Variants in ADGRL4 observed in about 807,000 individuals in gnomAD.
The protein encoded by ADGRL4 is adhesion G protein-coupled receptor L4, also known as EGF, latrophilin and seven transmembrane domain containing 1.
A neutral mutation model predicts 74.8 loss-of-function variants in ADGRL4; 90 were observed. The ratio of observed to expected loss-of-function variants is 1.20; its 90% confidence interval spans 1.02 to 1.43. ADGRL4 has a LOEUF of 1.43. Ranked by LOEUF, ADGRL4 falls within the 40% of genes most tolerant of loss-of-function variation. ADGRL4 has a pLI of 0.00. For missense variants in ADGRL4, 881 were observed against 814.3 expected (o/e 1.08, Z -1.00); for synonymous variants, 311 against 279.2 (o/e 1.11, Z -1.14).
At chr1:78,914,862 A>G (rs774731224) in intron 12 of ADGRL4, among the ~76,000 whole-genome samples, 1 of 151,762 alleles carries the variant, frequency 6.6e-6, no homozygotes, top group Non-Finnish European at 1.5e-5. Flanking sequence ...ACCAGTTGTT[A>G]TGGGGGAGCT....
chr1:78,961,324 G>C (rs1053232315), intron 2 of ADGRL4, among the ~76,000 whole-genome samples: 7 of 152,048 alleles, frequency 4.6e-5, no homozygotes, highest in African/African-American at 1.7e-4. Context: ...TGTATCTTTA[G>C]TAGAGATGAG....
At chr1:78,906,150 G>T (rs1036947742) in intron 12 of ADGRL4, among the ~76,000 whole-genome samples, 23 of 151,910 alleles carry the variant, frequency 1.5e-4, no homozygotes, top group African/African-American at 5.6e-4. Flanking sequence ...ACACTGGTAG[G>T]CCACAACTAA....
chr1:78,912,752 A>C (rs1292911634), intron 12 of ADGRL4, among the ~76,000 whole-genome samples: 1 of 151,800 alleles, frequency 6.6e-6, no homozygotes, highest in Non-Finnish European at 1.5e-5. Context: ...GGCCAGGGTA[A>C]GTCATGCACC....
At chr1:78,937,729 C>T in intron 6 of ADGRL4, 78 bp downstream of exon 6, 4 of 1,363,096 alleles carry the variant, frequency 2.9e-6, no homozygotes, top group Admixed American at 2.1e-5. Flanking sequence ...AACACCATGC[C>T]TCCTAACCCC....
chr1:78,940,977 C>T (rs1190276777), intron 3 of ADGRL4, among the ~76,000 whole-genome samples: 1 of 152,118 alleles, frequency 6.6e-6, no homozygotes, highest in Non-Finnish European at 1.5e-5. Context: ...TAGCCCAGGC[C>T]TAAAAGGTTA....
intron 2 of ADGRL4, among the ~76,000 whole-genome samples, chr1:78,991,470 G>T (rs1432483168): frequency 1.3e-5 from 2 of 151,924 alleles, no homozygotes; most frequent in East Asian, 3.8e-4. Flanking sequence ...AACACTTAAG[G>T]TATGGAGAAT....
Position 78,938,142 on chromosome 1 carries a change from G to A in ADGRL4, c.534C>T (p.Asn178=). The part of the protein sequence containing the change: ...ESSSLLGYKN[N]TISAKDTLSN... ...AAAGGGTGTCCTTGGCTGAGATAGTGTTGTTCTTGTAACCTAGTAATGAAG... is the reference window on the plus strand; with the variant it reads ...AAAGGGTGTCCTTGGCTGAGATAGTATTGTTCTTGTAACCTAGTAATGAAG... The change falls in exon 5 of 15, where the codon AAC becomes AAT. Residue 178 remains asparagine (N), a synonymous_variant. Transcript: ENST00000370742. The A allele has an allele frequency of 6.2e-7, 1 of 1,613,140 alleles. No homozygotes were observed. Among genetic ancestry groups the A allele is most frequent in the Non-Finnish European group, 8.5e-7 (1 of 1,179,646 alleles).
intron 2 of ADGRL4, among the ~76,000 whole-genome samples, chr1:78,950,122 C>A (rs879745731): frequency 6.6e-6 from 1 of 151,754 alleles, no homozygotes; most frequent in Non-Finnish European, 1.5e-5. Flanking sequence ...AGGTCATTTG[C>A]AAGATAAAAA....
intron 2 of ADGRL4, among the ~76,000 whole-genome samples, chr1:78,976,807 A>T (rs1249790232): frequency 1.3e-5 from 2 of 151,280 alleles, no homozygotes; most frequent in African/African-American, 4.8e-5. Context: ...AAAAAAAAAA[A>T]ACCTCCAGAC....
rs116814312 is a variant in ADGRL4, at chr1:78,991,443, T to C, written c.172+13627A>G. ...CCTGTGTAAATACAATTAGAGTTAA[T>C]ATCGGTTAAATAAACTAACACTTAA... is the stretch of plus-strand genomic sequence containing the variant. On this transcript the variant is annotated intron_variant, in intron 2 of 14. Coordinates refer to ENST00000370742, the MANE Select transcript of ADGRL4 (RefSeq NM_022159.4). Among the ~76,000 whole-genome samples, 428 of 152,108 alleles carry C rather than the reference T, an allele frequency of 2.8e-3. 1 individual carries two copies. The highest frequency in any genetic ancestry group is 5.2e-3 in the Non-Finnish European group (352 of 67,872).
At chr1:78,984,799 C>A (rs191301644) in intron 2 of ADGRL4, among the ~76,000 whole-genome samples, 2 of 151,580 alleles carry the variant, frequency 1.3e-5, no homozygotes, top group Non-Finnish European at 3.0e-5. Context: ...AAAATAACCC[C>A]GGATAGGGCT....
Position 78,990,097 on chromosome 1 carries a change from T to A in ADGRL4, c.172+14973A>T, listed in dbSNP as rs146271599. ...ATTTCTGAATCAAAAAAGCTGAGGA[T>A]CCTTTTTACCTCAGTGGATCTCCAT... On this transcript the variant is annotated intron_variant, in intron 2 of 14. Coordinates refer to ENST00000370742, the MANE Select transcript of ADGRL4 (RefSeq NM_022159.4). Among the ~76,000 whole-genome samples the A allele has an allele frequency of 9.6e-4, 146 of 152,056 alleles. 5 individuals are homozygous for A. The East Asian group carries it at 0.026, about 27-fold the overall frequency.
chr1:78,933,162 T>C (rs1255725327), intron 7 of ADGRL4, among the ~76,000 whole-genome samples: 1 of 151,446 alleles, frequency 6.6e-6, no homozygotes, highest in Non-Finnish European at 1.5e-5. Context: ...CTGATGAACA[T>C]TGATGCAAAA....
rs575573094 is a variant in ADGRL4 at position 78,926,975 on chromosome 1, T to C, written c.994A>G (p.Ile332Val). The change falls in exon 8 of 15, where the codon ATA becomes GTA. Residue 332 changes from isoleucine (I) to valine (V), a missense_variant. Ile to Val is a conservative substitution (Grantham distance 29). Coordinates refer to ENST00000370742, the MANE Select transcript of ADGRL4 (RefSeq NM_022159.4). ...YDNSEEEERVISSVISVSMSS... is the reference protein window; with the variant it reads ...YDNSEEEERVVSSVISVSMSS... ...ATTGAGACTGAAATTACTGAAGATA[T>C]GACTCTTTCCTCCTCTTCAGAATTA... 1.7e-5 allele frequency: 27 copies of C among 1,611,976 alleles called. 1 individual carries two copies. The highest frequency in any genetic ancestry group is 8.0e-5 in the African/African-American group (6 of 74,968).
chr1:78,902,007 A>T (rs991517566), intron 12 of ADGRL4, among the ~76,000 whole-genome samples: 12 of 152,314 alleles, frequency 7.9e-5, no homozygotes, highest in Admixed American at 2.0e-4. Context: ...ACCATAATAA[A>T]TATACTAAAG....
At chr1:78,980,269 T>C (rs564149226) in intron 2 of ADGRL4, among the ~76,000 whole-genome samples, 2 of 151,638 alleles carry the variant, frequency 1.3e-5, no homozygotes, top group African/African-American at 4.9e-5. Context: ...TCTTACTGAG[T>C]TCTAATTCTT....
intron 2 of ADGRL4, among the ~76,000 whole-genome samples, chr1:79,000,908 C>A (rs1000113063): frequency 6.6e-6 from 1 of 151,990 alleles, no homozygotes; most frequent in African/African-American, 2.4e-5. Context: ...TTCAAGTTTG[C>A]TGTAGTATTC....
intron 2 of ADGRL4, among the ~76,000 whole-genome samples, chr1:78,999,971 C>T (rs1650808837): frequency 6.6e-6 from 1 of 151,860 alleles, no homozygotes; most frequent in Non-Finnish European, 1.5e-5. Context: ...TTTTTTTGTG[C>T]ATAAGTAGAA....
Position 78,891,145 on chromosome 1 carries a change from T to C in ADGRL4, c.*9A>G. 6.2e-7 allele frequency: 1 copy of C among 1,611,374 alleles called. No homozygotes were observed. Among genetic ancestry groups the C allele is most frequent in the South Asian group, 1.1e-5 (1 of 90,898 alleles). On this transcript the variant is annotated 3_prime_UTR_variant, in exon 15 of 15. Coordinates refer to ENST00000370742, the MANE Select transcript of ADGRL4 (RefSeq NM_022159.4). ...TTGTGCAGTTGTAATTATCCACCAT[T>C]CTCTATGTTTACCTTAAACATCCAA...
Sources: allele counts gnomAD v4.1 joint callset (sites outside exome capture counted in the v4.1 genomes callset), GRCh38; gene constraint gnomAD v4.1.1; transcripts MANE v1.5; gene names NCBI Gene and HGNC (gene_info 2026-07-23, HGNC 2026-07-21).